The following FBP1 variants were observed in gnomAD, a reference collection of about 807,000 sequenced individuals.
FBP1 encodes the protein fructose-bisphosphatase 1, also known as fructose-1,6-bisphosphatase 1.
FBP1 carries 22 observed loss-of-function variants against 29.9 expected under a neutral mutation model. The ratio of observed to expected loss-of-function variants is 0.74; its 90% CI spans 0.53 to 1.05. The LOEUF is 1.05. FBP1 is among the 50% of genes least tolerant of loss of function. The pLI, the probability that FBP1 is intolerant of heterozygous loss-of-function variation, is 0.00. For missense variants in FBP1, 345 were observed against 448.2 expected (o/e 0.77, Z 2.08); for synonymous variants, 175 against 178.6 (o/e 0.98, Z 0.16).
At position 94,639,447 on chromosome 9, in the gene FBP1, G is replaced by C. The variant is rs942001378; in HGVS notation, c.-137C>G. 5.1e-6 allele frequency: 5 copies of C among 988,846 alleles called. No homozygotes were observed. Among genetic ancestry groups the C allele is most frequent in the African/African-American group, 4.8e-5 (3 of 62,568 alleles). 61.3% of individuals were successfully genotyped at this position (988,846 alleles called of 1,614,324 possible). On this transcript the variant is annotated 5_prime_UTR_variant, in exon 1 of 7. Transcript: ENST00000375326. Reference sequence around the variant, plus strand: ...TGCGGGCGGCAGGTGCGGGCCGCGGGACCTGGCGGGAGGACTGACAGACCG... The same window carrying C: ...TGCGGGCGGCAGGTGCGGGCCGCGGCACCTGGCGGGAGGACTGACAGACCG...
chr9:94,626,789 A>C (rs7041301), intron 1 of FBP1, among the ~76,000 whole-genome samples: 55,291 of 152,032 alleles, frequency 0.36, 10,230 homozygotes, highest in Admixed American at 0.43. Flanking sequence ...ACAGTGGCTC[A>C]CACCTGTAAT....
intron 1 of FBP1, among the ~76,000 whole-genome samples, chr9:94,626,799 TC>T (rs1828032008): frequency 6.6e-6 from 1 of 152,202 alleles, no homozygotes; most frequent in South Asian, 2.1e-4. Flanking sequence ...ACACCTGTAA[TC>T]TCAGCACTTT....
rs943653569 is a variant in FBP1, at chr9:94,609,957, G to C, written c.531C>G (p.Ala177=). ...TGAAGCAGTTGACCCCACAGTCCATGGCAAGGACCAGCATGGTGGCACTGC... is the reference window on the plus strand; with the variant it reads ...TGAAGCAGTTGACCCCACAGTCCATCGCAAGGACCAGCATGGTGGCACTGC... ...LYGSATMLVL[A]MDCGVNCFML... Residue 177 remains alanine (A), a synonymous_variant, in exon 4 of 7, where the codon GCC becomes GCG. Transcript: ENST00000375326. 1.2e-6 allele frequency: 2 copies of C among 1,614,204 alleles called. No homozygotes were observed. The highest frequency in any genetic ancestry group is 8.5e-7 in the Non-Finnish European group (1 of 1,180,032).
intron 1 of FBP1, among the ~76,000 whole-genome samples, chr9:94,624,591 T>C (rs1252872166): frequency 9.2e-5 from 14 of 151,858 alleles, no homozygotes; most frequent in Admixed American, 8.5e-4. Context: ...AGGCGGAGGT[T>C]GCAGTGAGCC....
intron 1 of FBP1, among the ~76,000 whole-genome samples, chr9:94,630,038 G>A (rs753584435): frequency 5.9e-5 from 9 of 152,296 alleles, no homozygotes; most frequent in Admixed American, 2.0e-4. Context: ...GGTAAATGCC[G>A]AGTGTATACT....
At chr9:94,610,443 A>T (rs568492960) in intron 3 of FBP1, among the ~76,000 whole-genome samples, 1 of 152,182 alleles carries the variant, frequency 6.6e-6, no homozygotes, top group Non-Finnish European at 1.5e-5. Flanking sequence ...ATAAATTAAC[A>T]CTGGGCTGCA....
chr9:94,611,299 T>C (rs990972469), intron 3 of FBP1, among the ~76,000 whole-genome samples: 3 of 152,178 alleles, frequency 2.0e-5, no homozygotes, highest in African/African-American at 7.2e-5. Flanking sequence ...CTTATTCTTT[T>C]CCTAGATTCC....
At chr9:94,603,687 T>C (rs1374127488) in intron 6 of FBP1, 115 bp from the exon 7 acceptor site, 3 of 961,632 alleles carry the variant, frequency 3.1e-6, no homozygotes, top group African/African-American at 1.6e-5. Flanking sequence ...GAACGAATAC[T>C]GTATTTTTCC....
intron 1 of FBP1, among the ~76,000 whole-genome samples, chr9:94,631,476 C>T (rs1828103135): frequency 6.6e-6 from 1 of 152,232 alleles, no homozygotes; most frequent in South Asian, 2.1e-4. Flanking sequence ...AACCATTTCA[C>T]AGCCATGGAC....
intron 3 of FBP1, among the ~76,000 whole-genome samples, chr9:94,612,753 GT>G (rs1467485871): frequency 2.0e-5 from 3 of 151,656 alleles, no homozygotes; most frequent in Non-Finnish European, 4.4e-5. Flanking sequence ...TAGAGATGGG[GT>G]TTCACCATGT....
chr9:94,628,732 G>A (rs1217932093), intron 1 of FBP1, among the ~76,000 whole-genome samples: 2 of 152,142 alleles, frequency 1.3e-5, no homozygotes, highest in East Asian at 1.9e-4. Flanking sequence ...TTCAAACCAC[G>A]GCTGAAAATT....
chr9:94,626,909 C>G (rs1027692287), intron 1 of FBP1, among the ~76,000 whole-genome samples: 2 of 152,040 alleles, frequency 1.3e-5, no homozygotes, highest in African/African-American at 4.8e-5. Context: ...CAAAAATTGG[C>G]CAGTCGCAGT....
At chr9:94,622,943 A>AGAGTT (rs2131492378) in intron 1 of FBP1, among the ~76,000 whole-genome samples, 1 of 152,146 alleles carries the variant, frequency 6.6e-6, no homozygotes, top group South Asian at 2.1e-4. Context: ...TTCCAGCCTG[A>AGAGTT]GAGTTGCACT....
At chr9:94,617,902 C>A (rs1362145459) in intron 2 of FBP1, 42 bp from the exon 3 acceptor site, 6 of 1,425,552 alleles carry the variant, frequency 4.2e-6, no homozygotes, top group Non-Finnish European at 4.9e-6. Flanking sequence ...AATGTTATAG[C>A]AAGATACACT....
rs1030266373 is a variant in FBP1, at chr9:94,608,029, T to C, written c.568-1077A>G. Among the ~76,000 whole-genome samples, 13 of 152,270 alleles carry C rather than the reference T, an allele frequency of 8.5e-5. No individual in the cohort carries two copies. The East Asian group carries it at 2.1e-3, about 25-fold the overall frequency. ...AGAAAAATAAATAAATAAATGTCTTTCAAAAAACTATATAGAAAAGAAAGC... is the reference window on the plus strand; with the variant it reads ...AGAAAAATAAATAAATAAATGTCTTCCAAAAAACTATATAGAAAAGAAAGC... On this transcript the variant is annotated intron_variant, in intron 4 of 6. Coordinates refer to ENST00000375326, the MANE Select transcript of FBP1 (RefSeq NM_000507.4).
At chr9:94,608,171 G>A (rs1279747356) in intron 4 of FBP1, among the ~76,000 whole-genome samples, 1 of 152,176 alleles carries the variant, frequency 6.6e-6, no homozygotes, top group African/African-American at 2.4e-5. Context: ...AGTTGAAGCC[G>A]CTGGAAACCC....
chr9:94,634,301 A>AT (rs1828158479), intron 1 of FBP1, among the ~76,000 whole-genome samples: 1 of 150,306 alleles, frequency 6.7e-6, no homozygotes, highest in African/African-American at 2.4e-5. Flanking sequence ...CTCAAAAAAA[A>AT]AAAAAAGAAA....
intron 1 of FBP1, among the ~76,000 whole-genome samples, chr9:94,637,681 G>A (rs28402379): frequency 6.6e-6 from 1 of 152,190 alleles, no homozygotes; most frequent in East Asian, 1.9e-4. Flanking sequence ...TAGAGCCTAC[G>A]CGCCCAGCCC....
chr9:94,627,707 C>G (rs367945133), intron 1 of FBP1, among the ~76,000 whole-genome samples: 3 of 152,190 alleles, frequency 2.0e-5, no homozygotes, highest in African/African-American at 4.8e-5. Context: ...TCGACTGGAG[C>G]CTTGCACACA....
Sources: allele counts gnomAD v4.1 joint callset (sites outside exome capture counted in the v4.1 genomes callset), GRCh38; gene constraint gnomAD v4.1.1; transcripts MANE v1.5; gene names NCBI Gene and HGNC (gene_info 2026-07-23, HGNC 2026-07-21).